GSTP1: variants seen among roughly 807,000 people sequenced by gnomAD.
The protein encoded by GSTP1 is glutathione S-transferase P.
A neutral mutation model predicts 29.4 loss-of-function variants in GSTP1; 28 were observed. That is an observed-to-expected ratio of 0.95 (90% CI 0.71 to 1.30). The LOEUF (loss-of-function observed/expected upper bound fraction) is 1.30. GSTP1 is among the 50% of genes most tolerant of loss of function. The probability of loss-of-function intolerance (pLI) is 0.00; values close to 1 mark genes in which losing one functional copy is unlikely to be tolerated. For synonymous variants in GSTP1, 122 were observed against 117.0 expected, an observed-to-expected ratio of 1.04 and a Z score of -0.28; for missense variants, 267 against 266.1, an observed-to-expected ratio of 1.00 and a Z score of -0.02.
In GSTP1 at chr11:67,586,426, T is replaced by C. The variant is rs1867468072; in HGVS notation, c.482T>C (p.Leu161Pro). 1 of 1,614,150 alleles carries C rather than the reference T, an allele frequency of 6.2e-7. No individual in the cohort carries two copies. Among genetic ancestry groups the C allele is most frequent in the Admixed American group, 1.7e-5 (1 of 60,000 alleles). ...FADYNLLDLL[L>P]IHEVLAPGCL... ...GACTACAACCTGCTGGACTTGCTGCTGATCCATGAGGTCCTAGCCCCTGGC... is the reference window on the plus strand; with the variant it reads ...GACTACAACCTGCTGGACTTGCTGCCGATCCATGAGGTCCTAGCCCCTGGC... Residue 161 changes from leucine (L) to proline (P), a missense_variant, in exon 7 of 7, where the codon CTG (leucine) becomes CCG (proline). Physicochemically the swap from Leu to Pro is moderately conservative, Grantham distance 98 (BLOSUM62 -3). Coordinates refer to ENST00000398606, the MANE Select transcript of GSTP1 (RefSeq NM_000852.4).
rs1309129050 is a variant in GSTP1, at chr11:67,584,130, G to T, written c.2-4G>T. On this transcript the variant is annotated splice_polypyrimidine_tract_variant and splice_region_variant and intron_variant, in intron 1 of 6. Coordinates refer to ENST00000398606, the MANE Select transcript of GSTP1 (RefSeq NM_000852.4). Reference sequence around the variant, plus strand: ...TCCAGCAAACTTTTCTTTGTTCGCTGCAGTGCCGCCCTACACCGTGGTCTA... The same window carrying T: ...TCCAGCAAACTTTTCTTTGTTCGCTTCAGTGCCGCCCTACACCGTGGTCTA... The T allele has an allele frequency of 6.2e-7, 1 of 1,611,970 alleles. No homozygotes were observed. The highest frequency in any genetic ancestry group is 8.5e-7 in the Non-Finnish European group (1 of 1,178,196).
Position 67,584,775 on chromosome 11 carries a change from G to A in GSTP1, c.232+3G>A. On this transcript the variant is annotated splice_donor_region_variant and intron_variant, in intron 4 of 6. Coordinates refer to ENST00000398606, the MANE Select transcript of GSTP1 (RefSeq NM_000852.4). ...GCGTCACCTGGGCCGCACCCTTGGT[G>A]AGTCTTGAACCTCCAAGTCCAGGGC... 6.2e-7 allele frequency: 1 copy of A among 1,607,328 alleles called. No individual in the cohort carries two copies. The highest frequency in any genetic ancestry group is 8.5e-7 in the Non-Finnish European group (1 of 1,174,290).
Position 67,584,186 on chromosome 11 carries a change from G to C in GSTP1, c.37+17G>C. Reference sequence around the variant, plus strand: ...CAGTTCGAGGTAGGAGCATGTGTCTGGCAGGGAAGGGAGGCAGGGGCTGGG... The same window carrying C: ...CAGTTCGAGGTAGGAGCATGTGTCTCGCAGGGAAGGGAGGCAGGGGCTGGG... On this transcript the variant is annotated intron_variant, in intron 2 of 6. Transcript: ENST00000398606. 7 of 1,603,822 alleles carry C rather than the reference G, an allele frequency of 4.4e-6. No individual in the cohort carries two copies. Among genetic ancestry groups the C allele is most frequent in the Non-Finnish European group, 6.0e-6 (7 of 1,170,682 alleles).
At chr11:67,584,344 T>G in intron 2 of GSTP1, 120 bp from the exon 3 acceptor site, 1 of 714,850 alleles carries the variant, frequency 1.4e-6, no homozygotes, top group Non-Finnish European at 2.4e-6. Context: ...CCCAGTGTTG[T>G]GTGAAATCTT....
chr11:67,584,478 C>T lies in GSTP1; in HGVS notation c.52C>T (p.Leu18=), dbSNP rs12796085. ...CCTCCCCGCAGGCCGCTGCGCGGCC[C>T]TGCGCATGCTGCTGGCAGATCAGGG... ...YFPVRGRCAA[L]RMLLADQGQS... Residue 18 remains leucine, a synonymous_variant, in exon 3 of 7, where the codon CTG becomes TTG. Coordinates refer to ENST00000398606, the MANE Select transcript of GSTP1 (RefSeq NM_000852.4). The T allele has an allele frequency of 3.2e-6, 5 of 1,544,422 alleles. No individual in the cohort carries two copies. The Admixed American group carries it at 8.1e-5, about 25-fold the overall frequency.
chr11:67,585,012 C>T (rs1028573376), intron 4 of GSTP1, 126 bp from the exon 5 acceptor site: 9 of 665,338 alleles, frequency 1.4e-5, no homozygotes, highest in South Asian at 1.2e-4. Context: ...CATCCTTCCA[C>T]GCACATCCTC....
Position 67,586,088 on chromosome 11 carries a change from T to C in GSTP1, c.337-16T>C, listed in dbSNP as rs1250736317. ...GGAGGGATGAGAGTAGGATGATACA[T>C]GGTGGTGTCTGGCAGGAGGCGGGCA... On this transcript the variant is annotated splice_polypyrimidine_tract_variant and intron_variant, in intron 5 of 6. Coordinates refer to ENST00000398606, the MANE Select transcript of GSTP1 (RefSeq NM_000852.4). 1.9e-6 allele frequency: 3 copies of C among 1,590,614 alleles called. No individual in the cohort carries two copies. Among genetic ancestry groups the C allele is most frequent in the Admixed American group, 3.3e-5 (2 of 59,866 alleles).
rs1356319316 is a variant in GSTP1 at position 67,583,857 on chromosome 11, G to T, written c.1+13G>T. On this transcript the variant is annotated intron_variant, in intron 1 of 6. Coordinates refer to ENST00000398606, the MANE Select transcript of GSTP1 (RefSeq NM_000852.4). ...GTCTTCGCCACCAGTGAGTACGCGC[G>T]GCCCGCGTCCCCGGGGATGGGGCTC... is the stretch of plus-strand genomic sequence containing the variant. The T allele has an allele frequency of 8.0e-6, 6 of 745,810 alleles. No homozygotes were observed. The highest frequency in any genetic ancestry group is 5.1e-5 in the African/African-American group (3 of 58,586). 46.2% of individuals were successfully genotyped at this position (745,810 alleles called of 1,614,324 possible). A position where few individuals can be genotyped will look rare whatever the true frequency, so the allele number is the denominator to read the frequency against.
chr11:67,585,638 GA>G (rs1357404407), intron 5 of GSTP1, among the ~76,000 whole-genome samples: 1 of 152,078 alleles, frequency 6.6e-6, no homozygotes, highest in East Asian at 1.9e-4. Context: ...GGGGACCTGG[GA>G]CCAGTTCAGC....
intron 1 of GSTP1, 101 bp from the exon 2 acceptor site, chr11:67,584,033 G>C (rs1867422138): frequency 6.3e-6 from 6 of 949,456 alleles, no homozygotes; most frequent in Middle Eastern, 3.2e-4. Flanking sequence ...GCGCCTCGGG[G>C]AGGGATGGGA....
At chr11:67,584,656 C>T (rs1565218344) in intron 3 of GSTP1, 29 bp from the exon 4 acceptor site, 4 of 1,583,598 alleles carry the variant, frequency 2.5e-6, no homozygotes, top group Admixed American at 3.3e-5. Flanking sequence ...AGCTCAGTGC[C>T]CCTCCCTGAG....
At chr11:67,585,992 G>A in intron 5 of GSTP1, 112 bp from the exon 6 acceptor site, 1 of 733,420 alleles carries the variant, frequency 1.4e-6, no homozygotes, top group Non-Finnish European at 2.4e-6. Context: ...GCCTGGTTGT[G>A]GGGAGCAAGC....
At position 67,585,111 on chromosome 11, in the gene GSTP1, G is replaced by A. The variant is rs769126714; in HGVS notation, c.233-27G>A. The A allele has an allele frequency of 8.2e-6, 12 of 1,456,304 alleles. No individual in the cohort carries two copies. The South Asian group carries it at 9.1e-5, about 11-fold the overall frequency. 90.2% of individuals were successfully genotyped at this position (1,456,304 alleles called of 1,614,324 possible). On this transcript the variant is annotated intron_variant, in intron 4 of 6. Coordinates refer to ENST00000398606, the MANE Select transcript of GSTP1 (RefSeq NM_000852.4). ...GTGTTGATCAGGCGCCCAGTCACGC[G>A]GCCTGCTCCCCTCCACCCAACCCCA...
At position 67,585,173 on chromosome 11, in the gene GSTP1, G is replaced by A. The variant is rs1310598334; in HGVS notation, c.268G>A (p.Val90Met). ...YGKDQQEAALVDMVNDGVEDL... is the reference protein window; with the variant it reads ...YGKDQQEAALMDMVNDGVEDL... ...GAAGGACCAGCAGGAGGCAGCCCTG[G>A]TGGACATGGTGAATGACGGCGTGGA... Residue 90 changes from valine (V) to methionine (M), a missense_variant, in exon 5 of 7, where the codon GTG becomes ATG. Val to Met is a conservative substitution (Grantham distance 21). Transcript: ENST00000398606. 1.2e-6 allele frequency: 2 copies of A among 1,613,710 alleles called. No individual in the cohort carries two copies. The highest frequency in any genetic ancestry group is 2.2e-5 in the South Asian group (2 of 91,088).
chr11:67,583,867 C>G (rs769385762), intron 1 of GSTP1, 23 bp downstream of exon 1: 2 of 742,280 alleles, frequency 2.7e-6, no homozygotes, highest in South Asian at 2.9e-5. Context: ...GGCCCGCGTC[C>G]CCGGGGATGG....
Position 67,584,234 on chromosome 11 carries a change from C to T in GSTP1, c.37+65C>T, listed in dbSNP as rs1042025079. The T allele has an allele frequency of 5.4e-6, 7 of 1,307,770 alleles. No individual in the cohort carries two copies. The Admixed American group carries it at 5.7e-5, about 11-fold the overall frequency. 81.0% of individuals were successfully genotyped at this position (1,307,770 alleles called of 1,614,324 possible). On this transcript the variant is annotated intron_variant, in intron 2 of 6. Coordinates refer to ENST00000398606, the MANE Select transcript of GSTP1 (RefSeq NM_000852.4). ...GGGGCTGCAGCCCACAGCCCCTCGC[C>T]CACCCGGAGAGATCCGAACCCCCTT...
At chr11:67,585,969 G>A (rs1241264679) in intron 5 of GSTP1, 135 bp from the exon 6 acceptor site, 4 of 650,184 alleles carry the variant, frequency 6.2e-6, no homozygotes, top group Non-Finnish European at 1.1e-5. Flanking sequence ...GAAGTGGACA[G>A]GATTTGGTAC....
At position 67,584,459 on chromosome 11, in the gene GSTP1, C is replaced by A. The variant is rs8191447; in HGVS notation, c.38-5C>A. 4.7e-6 allele frequency: 7 copies of A among 1,483,602 alleles called. No individual in the cohort carries two copies. The highest frequency in any genetic ancestry group is 4.7e-5 in the Admixed American group (2 of 42,744). 91.9% of individuals were successfully genotyped at this position (1,483,602 alleles called of 1,614,324 possible). ...CCCACATCTCGTACTTCTCCCTCCC[C>A]GCAGGCCGCTGCGCGGCCCTGCGCA... On this transcript the variant is annotated splice_region_variant and splice_polypyrimidine_tract_variant and intron_variant, in intron 2 of 6. Coordinates refer to ENST00000398606, the MANE Select transcript of GSTP1 (RefSeq NM_000852.4).
chr11:67,584,415 A>T, intron 2 of GSTP1, 49 bp from the exon 3 acceptor site: 1 of 1,051,130 alleles, frequency 9.5e-7, no homozygotes, highest in Non-Finnish European at 1.4e-6. Flanking sequence ...GGTTGCTGCG[A>T]GGCGGAGTCG....
Sources: gnomAD v4.1 joint callset for allele counts (sites outside exome capture counted in the v4.1 genomes callset) on GRCh38, gnomAD v4.1.1 for gene constraint, MANE v1.5 for transcripts, NCBI Gene and HGNC (gene_info 2026-07-23, HGNC 2026-07-21) for gene names.